The following CCDC171 variants were observed in gnomAD, a reference collection of about 807,000 sequenced individuals.
CCDC171 encodes coiled-coil domain containing 171, also known as coiled-coil domain-containing protein 171.
In CCDC171, 177 loss-of-function variants were observed where a neutral mutation model predicts 168.2. The observed-to-expected ratio is 1.05, with a 90% CI of 0.93 to 1.19. CCDC171 has a LOEUF of 1.19. Ranked by LOEUF, CCDC171 falls within the 50% of genes most tolerant of loss-of-function variation. The pLI is 0.00. For synonymous variants in CCDC171, 687 were observed against 540.8 expected, an observed-to-expected ratio of 1.27 and a Z score of -3.75; for missense variants, 1,991 against 1,539.0, an observed-to-expected ratio of 1.29 and a Z score of -4.91.
chr9:16,061,228 T>C lies in CCDC171; in HGVS notation n.672T>C, dbSNP rs1192854268. 2.0e-5 allele frequency: 3 copies of C among 152,336 alleles called. No homozygotes were observed. The East Asian group carries it at 5.8e-4, about 29-fold the overall frequency. The allele number at this position is 152,336 out of a possible 1,614,324, so 9.4% of individuals were successfully genotyped here. On this transcript the variant is annotated non_coding_transcript_exon_variant, in exon 2 of 2. Coordinates refer to the CCDC171 transcript ENST00000478913. ...TATAGGGATGATGAAAGCGAAAACG[T>C]TAGCCACTATGCTTGCTAGTGCTCA...
intron 16 of CCDC171, among the ~76,000 whole-genome samples, chr9:15,740,792 C>T (rs751878439): frequency 2.0e-5 from 3 of 152,122 alleles, no homozygotes; most frequent in Admixed American, 6.5e-5. Context: ...GTTCCCCTCT[C>T]ATTCCTCTTC....
chr9:15,690,284 A>C (rs531255562), intron 10 of CCDC171, among the ~76,000 whole-genome samples: 4 of 152,354 alleles, frequency 2.6e-5, no homozygotes, highest in Non-Finnish European at 5.9e-5. Context: ...GTCTCAGTCA[A>C]GTTTAAAAAA....
In CCDC171 at chr9:15,728,009, T is replaced by G. The variant is rs879782396; in HGVS notation, c.1833T>G (p.Ile611Met). ...AVLQENVDAL[I>M]ADLNRANEKI... ...TACAGGAGAATGTTGATGCCCTGATTGCAGACCTCAACAGGGCTAATGAGA... is the reference window on the plus strand; with the variant it reads ...TACAGGAGAATGTTGATGCCCTGATGGCAGACCTCAACAGGGCTAATGAGA... The change falls in exon 15 of 26, where the codon ATT becomes ATG. Residue 611 changes from isoleucine to methionine, a missense_variant. Coordinates refer to ENST00000380701, the MANE Select transcript of CCDC171 (RefSeq NM_173550.4). 22 of 1,612,718 alleles carry G rather than the reference T, an allele frequency of 1.4e-5. No individual in the cohort carries two copies. The highest frequency in any genetic ancestry group is 1.8e-5 in the Non-Finnish European group (21 of 1,179,288).
chr9:15,596,386 A>G (rs867200171), intron 6 of CCDC171, among the ~76,000 whole-genome samples: 2,312 of 151,996 alleles, frequency 0.015, 51 homozygotes, highest in African/African-American at 0.053. Flanking sequence ...TCCCAGCACC[A>G]TTTATTAAAT....
intron 18 of CCDC171, among the ~76,000 whole-genome samples, chr9:15,754,606 A>G (rs564879808): frequency 1.3e-5 from 2 of 152,268 alleles, no homozygotes; most frequent in African/African-American, 4.8e-5. Context: ...GCTGCTCTAC[A>G]GGGGAGGCAA....
chr9:15,839,284 C>A (rs2060575275), intron 21 of CCDC171, among the ~76,000 whole-genome samples: 1 of 151,940 alleles, frequency 6.6e-6, no homozygotes, highest in Non-Finnish European at 1.5e-5. Context: ...ATTAAAGTAC[C>A]TTACTAACTT....
chr9:15,651,275 A>T (rs2047497585), intron 7 of CCDC171, among the ~76,000 whole-genome samples: 2 of 151,790 alleles, frequency 1.3e-5, no homozygotes, highest in South Asian at 4.2e-4. Flanking sequence ...CACCTAGCTA[A>T]TTTTTGTATT....
chr9:16,003,858 C>G (rs1383145976), intron 3 of CCDC171, among the ~76,000 whole-genome samples: 1 of 152,190 alleles, frequency 6.6e-6, no homozygotes, highest in Non-Finnish European at 1.5e-5. Context: ...CCAAAATGCA[C>G]TTTGCTAAAA....
intron 2 of CCDC171, among the ~76,000 whole-genome samples, chr9:15,566,566 A>G (rs969681870): frequency 2.6e-5 from 4 of 152,230 alleles, no homozygotes; most frequent in African/African-American, 7.2e-5. Context: ...CTCAACAACA[A>G]CAACAACAAA....
At chr9:15,806,913 A>G (rs912088778) in intron 21 of CCDC171, among the ~76,000 whole-genome samples, 1 of 151,658 alleles carries the variant, frequency 6.6e-6, no homozygotes, top group African/African-American at 2.4e-5. Flanking sequence ...CAGAGGCTTT[A>G]TTTGTTTTTC....
chr9:15,777,479 AT>A, intron 18 of CCDC171, 120 bp from the exon 19 acceptor site: 1 of 585,184 alleles, frequency 1.7e-6, no homozygotes, highest in South Asian at 2.6e-5. Flanking sequence ...TTTTGAATGA[AT>A]TACTACAGGT....
chr9:15,907,864 C>T (rs1324639682), intron 24 of CCDC171, among the ~76,000 whole-genome samples: 2 of 152,222 alleles, frequency 1.3e-5, no homozygotes, highest in Non-Finnish European at 2.9e-5. Context: ...AGACACTTCT[C>T]AAAAGGAGAC....
chr9:15,763,284 T>G (rs561540847), intron 18 of CCDC171, among the ~76,000 whole-genome samples: 1 of 152,290 alleles, frequency 6.6e-6, no homozygotes, highest in African/African-American at 2.4e-5. Context: ...CACTGGAGTT[T>G]TGATGTCCAG....
chr9:15,622,940 G>GAAACATA (rs1449949593), intron 6 of CCDC171, among the ~76,000 whole-genome samples: 1 of 152,110 alleles, frequency 6.6e-6, no homozygotes, highest in Non-Finnish European at 1.5e-5. Context: ...ATGAGAAGGG[G>GAAACATA]AAACATAATA....
chr9:15,597,091 A>G (rs185214434), intron 6 of CCDC171, among the ~76,000 whole-genome samples: 2,636 of 152,124 alleles, frequency 0.017, 83 homozygotes, highest in African/African-American at 0.059. Flanking sequence ...TCATCTGCAA[A>G]CAGGGACAAT....
At chr9:15,576,398 G>A (rs1442703320) in intron 3 of CCDC171, among the ~76,000 whole-genome samples, 2 of 151,860 alleles carry the variant, frequency 1.3e-5, no homozygotes, top group Non-Finnish European at 2.9e-5. Context: ...GTGTTGCTCA[G>A]GTTGGTCTCA....
At chr9:15,710,550 C>T (rs1326825401) in intron 11 of CCDC171, among the ~76,000 whole-genome samples, 3 of 152,094 alleles carry the variant, frequency 2.0e-5, no homozygotes, top group Non-Finnish European at 4.4e-5. Context: ...ATCCGCCCGC[C>T]TCGACCTCCC....
chr9:15,661,384 C>G (rs2048312762), intron 8 of CCDC171, among the ~76,000 whole-genome samples: 1 of 150,898 alleles, frequency 6.6e-6, no homozygotes, highest in African/African-American at 2.4e-5. Flanking sequence ...TTAGGTTTTT[C>G]ATTGTAGTTG....
intron 25 of CCDC171, among the ~76,000 whole-genome samples, chr9:15,943,040 T>G (rs1354615636): frequency 6.6e-6 from 1 of 151,986 alleles, no homozygotes; most frequent in Non-Finnish European, 1.5e-5. Flanking sequence ...AACTGCTGGC[T>G]GTCTTGTCAG....
Sources: allele counts gnomAD v4.1 joint callset (sites outside exome capture counted in the v4.1 genomes callset), GRCh38; gene constraint gnomAD v4.1.1; transcripts MANE v1.5; gene names NCBI Gene and HGNC (gene_info 2026-07-23, HGNC 2026-07-21).